The following THOC1 variants were observed in gnomAD, a reference collection of about 807,000 sequenced individuals.
THOC1 encodes THO complex 1.
In THOC1, 29 loss-of-function variants were observed where a neutral mutation model predicts 97.3. The observed-to-expected ratio is 0.30, with a 90% CI of 0.22 to 0.41. The LOEUF is 0.41. THOC1 is among the 10% of genes least tolerant of loss of function. THOC1 has a pLI of 1.00. For synonymous variants in THOC1, 255 were observed against 257.0 expected, an observed-to-expected ratio of 0.99 and a Z score of 0.07; for missense variants, 529 against 761.9, an observed-to-expected ratio of 0.69 and a Z score of 3.60.
intron 11 of THOC1, among the ~76,000 whole-genome samples, chr18:239,056 G>A (rs1911807130): frequency 6.6e-6 from 1 of 152,082 alleles, no homozygotes; most frequent in South Asian, 2.1e-4. Context: ...ATTAACTCAG[G>A]ATTATTTACA....
intron 19 of THOC1, 29 bp downstream of exon 19, chr18:216,457 G>T (rs1481404753): frequency 1.9e-6 from 3 of 1,606,206 alleles, no homozygotes; most frequent in Admixed American, 1.7e-5. Flanking sequence ...TCAACTAAAG[G>T]GTATGAAAAG....
At chr18:219,483 A>G (rs921674040) in intron 17 of THOC1, among the ~76,000 whole-genome samples, 5 of 150,682 alleles carry the variant, frequency 3.3e-5, no homozygotes, top group Non-Finnish European at 7.4e-5. Context: ...GATGGCATAT[A>G]CTCTTAATAA....
chr18:263,961 C>G, intron 4 of THOC1, 65 bp downstream of exon 4: 1 of 1,229,020 alleles, frequency 8.1e-7, no homozygotes. Context: ...GGGGAGAAGA[C>G]GTTTTAAATA....
At chr18:225,179 C>G (rs1911237827) in intron 13 of THOC1, 40 bp from the exon 14 acceptor site, 1 of 1,548,314 alleles carries the variant, frequency 6.5e-7, no homozygotes, top group Non-Finnish European at 8.7e-7. Context: ...CAACAACTTT[C>G]TGCATCATAG....
rs996229632 is a variant in THOC1 at position 254,833 on chromosome 18, G to C, written c.521-478C>G. 7.2e-5 allele frequency among the ~76,000 whole-genome samples: 9 copies of C among 125,472 alleles called. No individual in the cohort carries two copies. The highest frequency in any genetic ancestry group is 1.2e-4 in the Non-Finnish European group (7 of 59,496). 82.3% of individuals were successfully genotyped at this position (125,472 alleles called of 152,430 possible). On this transcript the variant is annotated intron_variant, in intron 7 of 20. Coordinates refer to ENST00000261600, the MANE Select transcript of THOC1 (RefSeq NM_005131.3). This position sits in a 1 kb window ranked among gnomAD's most constrained non-coding sequence, Gnocchi z 4.1. ...CAGTAAACTATTTTTTTTTTTTTTT[G>C]AGACAGCGACTCACTCCTGTCACCC...
At chr18:222,603 G>A (rs1444976700) in intron 17 of THOC1, among the ~76,000 whole-genome samples, 5 of 152,126 alleles carry the variant, frequency 3.3e-5, no homozygotes, top group Non-Finnish European at 5.9e-5. Flanking sequence ...CAATACAGAA[G>A]GAGCAAGAGT....
chr18:259,247 C>T lies in THOC1; in HGVS notation c.453G>A (p.Gln151=). The change falls in exon 7 of 21, where the codon CAG becomes CAA. Residue 151 remains glutamine (Q), a synonymous_variant. Transcript: ENST00000261600. ...NDLLRRLSKS[Q]NTVFCGRIQL... ...GAATCCGTCCACAGAAGACTGTATT[C>T]TGGGATTTAGACAATCTTCTTAGGA... 1 of 1,611,766 alleles carries T rather than the reference C, an allele frequency of 6.2e-7. No individual in the cohort carries two copies. The highest frequency in any genetic ancestry group is 8.5e-7 in the Non-Finnish European group (1 of 1,178,804).
chr18:249,516 C>G (rs1172374187), intron 9 of THOC1, among the ~76,000 whole-genome samples: 13 of 151,836 alleles, frequency 8.6e-5, no homozygotes, highest in Admixed American at 7.2e-4. Flanking sequence ...ACAAAAATTA[C>G]CCAGGCATTG....
intron 11 of THOC1, among the ~76,000 whole-genome samples, chr18:232,624 G>A (rs1327158803): frequency 6.6e-6 from 1 of 151,590 alleles, no homozygotes; most frequent in Non-Finnish European, 1.5e-5. Context: ...CCTGTGTAGG[G>A]GGCCATATTT....
chr18:221,525 C>A (rs1001825828), intron 17 of THOC1, among the ~76,000 whole-genome samples: 3 of 151,104 alleles, frequency 2.0e-5, no homozygotes, highest in Non-Finnish European at 4.4e-5. Context: ...TTAAAAATTA[C>A]GTCTTTTAAA....
chr18:220,720 C>G (rs1598287248), intron 17 of THOC1, among the ~76,000 whole-genome samples: 1 of 152,162 alleles, frequency 6.6e-6, no homozygotes, highest in East Asian at 1.9e-4. Context: ...GTACATTTTT[C>G]TACTGGGTTG....
chr18:254,252 A>G lies in THOC1; in HGVS notation c.603+21T>C. ...CAAACTTGCAAATATGTTATCTGAG[A>G]AGATTTCAAATCAGCCTCACCTTCT... is the stretch of plus-strand genomic sequence containing the variant. On this transcript the variant is annotated intron_variant, in intron 8 of 20. Coordinates refer to ENST00000261600, the MANE Select transcript of THOC1 (RefSeq NM_005131.3). This position sits in a 1 kb window ranked among gnomAD's most constrained non-coding sequence, Gnocchi z 4.1. 6.6e-7 allele frequency: 1 copy of G among 1,519,786 alleles called. No individual in the cohort carries two copies. The highest frequency in any genetic ancestry group is 9.0e-7 in the Non-Finnish European group (1 of 1,112,210). 94.1% of individuals were successfully genotyped at this position (1,519,786 alleles called of 1,614,324 possible). A position where few individuals can be genotyped will look rare whatever the true frequency, so the allele number is the denominator to read the frequency against.
intron 11 of THOC1, among the ~76,000 whole-genome samples, chr18:231,112 GT>G (rs1328133343): frequency 5.3e-5 from 8 of 152,072 alleles, no homozygotes; most frequent in Non-Finnish European, 1.0e-4. Context: ...ATCCTTAGCT[GT>G]ATGTATGTAT....
intron 1 of THOC1, among the ~76,000 whole-genome samples, chr18:266,973 ACT>A (rs1491171470): frequency 1.3e-5 from 2 of 150,080 alleles, no homozygotes; most frequent in East Asian, 1.9e-4. Context: ...AAAACCTCAC[ACT>A]GTGTGTGTGT....
At chr18:221,208 T>G (rs1888777016) in intron 17 of THOC1, among the ~76,000 whole-genome samples, 1 of 152,190 alleles carries the variant, frequency 6.6e-6, no homozygotes, top group African/African-American at 2.4e-5. Flanking sequence ...CTGTTAATTA[T>G]TTTGTTAAAT....
chr18:230,358 T>C (rs942193543), intron 11 of THOC1, among the ~76,000 whole-genome samples: 3 of 152,226 alleles, frequency 2.0e-5, no homozygotes, highest in African/African-American at 7.2e-5. Context: ...GGAGTAGAGA[T>C]GTGAACCCCT....
intron 11 of THOC1, among the ~76,000 whole-genome samples, chr18:235,717 T>C (rs1188737500): frequency 6.6e-6 from 1 of 152,198 alleles, no homozygotes; most frequent in African/African-American, 2.4e-5. Flanking sequence ...GAGAATGTGT[T>C]CTTCGTGTAT....
At chr18:234,685 C>A (rs1271273090) in intron 11 of THOC1, among the ~76,000 whole-genome samples, 3 of 152,086 alleles carry the variant, frequency 2.0e-5, no homozygotes, top group Admixed American at 6.5e-5. Context: ...CCCAGCCAAT[C>A]GGTTGTTAAT....
intron 11 of THOC1, among the ~76,000 whole-genome samples, chr18:235,978 T>C (rs1017526638): frequency 8.5e-5 from 13 of 152,350 alleles, no homozygotes; most frequent in African/African-American, 2.4e-4. Context: ...TTTTGCTTAA[T>C]ATATTTTGAG....
Sources: gnomAD v4.1 joint callset for allele counts (sites outside exome capture counted in the v4.1 genomes callset) on GRCh38, gnomAD v4.1.1 for gene constraint, Gnocchi (gnomAD v3.1) non-coding constraint, MANE v1.5 for transcripts, NCBI Gene and HGNC (gene_info 2026-07-23, HGNC 2026-07-21) for gene names.